Variants in PIAS1 observed in about 807,000 individuals in gnomAD.
PIAS1 encodes protein inhibitor of activated STAT 1.
Under a neutral mutation model 71.3 loss-of-function variants are expected in PIAS1, and 6 were observed. The observed-to-expected ratio is 0.08, with a 90% CI of 0.05 to 0.17. The LOEUF (loss-of-function observed/expected upper bound fraction) is 0.17. Among genes scored for constraint, PIAS1 ranks in the 10% least tolerant of loss-of-function variants. The probability of loss-of-function intolerance (pLI) is 1.00; values close to 1 mark genes in which losing one functional copy is unlikely to be tolerated. For synonymous variants in PIAS1, 303 were observed against 292.9 expected (o/e 1.03, Z -0.35); for missense variants, 555 against 793.6 (o/e 0.70, Z 3.61).
intron 6 of PIAS1, 46 bp downstream of exon 6, chr15:68,146,746 G>A: frequency 7.1e-7 from 1 of 1,408,582 alleles, no homozygotes; most frequent in Non-Finnish European, 1.0e-6. Flanking sequence ...TATAAGGAGG[G>A]GTTAATCACC....
intron 2 of PIAS1, among the ~76,000 whole-genome samples, chr15:68,114,188 C>CTTT (rs1567047651): frequency 6.6e-6 from 1 of 151,852 alleles, no homozygotes; most frequent in Non-Finnish European, 1.5e-5. Context: ...TTTTTGCTGC[C>CTTT]TTTTTCAATC....
In PIAS1 at chr15:68,151,785, G is replaced by A. The variant is rs560560176; in HGVS notation, c.829-1805G>A. Among the ~76,000 whole-genome samples the A allele has an allele frequency of 9.5e-4, 144 of 151,180 alleles. 1 individual carries two copies. The Middle Eastern group carries it at 0.024, about 25-fold the overall frequency. On this transcript the variant is annotated intron_variant, in intron 6 of 13. Transcript: ENST00000249636. The stretch of plus-strand genomic sequence containing the variant: ...TGAGGCAGGAGAATCACTTGAACCC[G>A]GGAGGTGGAGGTTGCAGGGAGCCGA...
In PIAS1 at chr15:68,077,725, AGTT is replaced by A. The variant is rs561245904; in HGVS notation, c.25-8577_25-8575del. Among the ~76,000 whole-genome samples the A allele has an allele frequency of 3.7e-3, 568 of 152,284 alleles. 3 individuals are homozygous for A. The highest frequency in any genetic ancestry group is 0.012 in the African/African-American group (488 of 41,560). ...TTTCATACTATGTGATAGTGTCTGT[AGTT>A]GTTATTACCATGTAGCATTGTGTGG... is the stretch of plus-strand genomic sequence containing the variant. On this transcript the variant is annotated intron_variant, in intron 1 of 13. Transcript: ENST00000249636.
At chr15:68,092,674 A>G (rs1490277460) in intron 2 of PIAS1, among the ~76,000 whole-genome samples, 6 of 152,156 alleles carry the variant, frequency 3.9e-5, no homozygotes, top group African/African-American at 1.4e-4. Flanking sequence ...GGATGAGATT[A>G]ATGCCTCTTA....
chr15:68,128,200 C>G (rs1338633561), intron 2 of PIAS1, among the ~76,000 whole-genome samples: 5 of 152,180 alleles, frequency 3.3e-5, no homozygotes, highest in South Asian at 4.1e-4. Flanking sequence ...GGGACTCACT[C>G]TGCCGCCCAT....
In PIAS1 at chr15:68,176,777, G is replaced by A. The variant is rs1352613215; in HGVS notation, c.1481+123G>A. 7 of 742,148 alleles carry A rather than the reference G, an allele frequency of 9.4e-6. No homozygotes were observed. The East Asian group carries it at 1.7e-4, about 18-fold the overall frequency. 46.0% of individuals were successfully genotyped at this position (742,148 alleles called of 1,614,324 possible). A position where few individuals can be genotyped will look rare whatever the true frequency, so the allele number is the denominator to read the frequency against. The stretch of plus-strand genomic sequence containing the variant: ...AACTTAACTTAGCAATCAAAGAATA[G>A]TTTGAATTTTTCCCAGGTTTGTAAT... On this transcript the variant is annotated intron_variant, in intron 11 of 13. Coordinates refer to ENST00000249636, the MANE Select transcript of PIAS1 (RefSeq NM_016166.3).
intron 1 of PIAS1, among the ~76,000 whole-genome samples, chr15:68,069,911 A>G (rs774516340): frequency 6.6e-6 from 1 of 152,062 alleles, no homozygotes; most frequent in African/African-American, 2.4e-5. Flanking sequence ...TAGAGAGCAG[A>G]TGTTTTAATA....
chr15:68,175,841 TA>T (rs2093017331), intron 10 of PIAS1, 74 bp downstream of exon 10: 1 of 1,062,670 alleles, frequency 9.4e-7, no homozygotes, highest in South Asian at 2.8e-5. Flanking sequence ...AAAATCCATA[TA>T]TTTTTAAAAA....
intron 8 of PIAS1, among the ~76,000 whole-genome samples, chr15:68,168,908 T>C (rs2092973443): frequency 6.6e-6 from 1 of 152,220 alleles, no homozygotes; most frequent in Admixed American, 6.5e-5. Flanking sequence ...CTAAAAGATA[T>C]GAACTGACAG....
intron 2 of PIAS1, among the ~76,000 whole-genome samples, chr15:68,101,285 C>T (rs2092422842): frequency 6.7e-6 from 1 of 149,742 alleles, no homozygotes; most frequent in Admixed American, 6.6e-5. Flanking sequence ...TGAATATCCT[C>T]TTCAGTGAAA....
At chr15:68,172,366 A>G (rs1003617062) in intron 8 of PIAS1, among the ~76,000 whole-genome samples, 3 of 152,240 alleles carry the variant, frequency 2.0e-5, no homozygotes, top group East Asian at 1.9e-4. Context: ...TAGTGCTGCA[A>G]TAAACATACG....
intron 1 of PIAS1, among the ~76,000 whole-genome samples, chr15:68,060,088 ATGTT>A (rs1190456709): frequency 6.6e-6 from 1 of 152,164 alleles, no homozygotes; most frequent in East Asian, 1.9e-4. Context: ...CAGCATCAGA[ATGTT>A]TGATAAAGTA....
chr15:68,071,830 C>T (rs2092100393), intron 1 of PIAS1, among the ~76,000 whole-genome samples: 4 of 151,804 alleles, frequency 2.6e-5, no homozygotes, highest in African/African-American at 9.7e-5. Flanking sequence ...AATCTGTAGT[C>T]CCAGCTACTT....
At position 68,181,119 on chromosome 15, in the gene PIAS1, C is replaced by T. The variant is rs868113730; in HGVS notation, c.1482-93C>T. 116 of 1,018,106 alleles carry T rather than the reference C, an allele frequency of 1.1e-4. 2 individuals are homozygous for T. The Middle Eastern group carries it at 1.2e-3, about 11-fold the overall frequency. 63.1% of individuals were successfully genotyped at this position (1,018,106 alleles called of 1,614,324 possible). ...TTTTGTTCTTATTTCCAGCACTAAA[C>T]CGAGGGTTCATTGTGAGATACAACC... On this transcript the variant is annotated intron_variant, in intron 11 of 13. Coordinates refer to ENST00000249636, the MANE Select transcript of PIAS1 (RefSeq NM_016166.3).
chr15:68,129,162 A>G (rs1476829857), intron 2 of PIAS1, among the ~76,000 whole-genome samples: 1 of 152,148 alleles, frequency 6.6e-6, no homozygotes, highest in East Asian at 1.9e-4. Context: ...ACAGGGCTCA[A>G]GCAGCCCTTC....
rs1168943653 is a variant in PIAS1 at position 68,174,127 on chromosome 15, A to G, written c.1169+235A>G. Among the ~76,000 whole-genome samples, 2 of 152,190 alleles carry G rather than the reference A, an allele frequency of 1.3e-5. No homozygotes were observed. Among genetic ancestry groups the G allele is most frequent in the African/African-American group, 4.8e-5 (2 of 41,442 alleles). ...TGTGTTACTGTCAGTGCCTCCTGGC[A>G]TTTGTCGTTGAAAGCACTGGTGCTT... On this transcript the variant is annotated intron_variant, in intron 9 of 13. Coordinates refer to ENST00000249636, the MANE Select transcript of PIAS1 (RefSeq NM_016166.3). The surrounding 1 kb of genome is among the most constrained non-coding windows in gnomAD (Gnocchi z 4.0).
chr15:68,155,670 G>C (rs915594565), intron 7 of PIAS1, among the ~76,000 whole-genome samples: 2 of 152,062 alleles, frequency 1.3e-5, no homozygotes, highest in Non-Finnish European at 2.9e-5. Context: ...AATAAAGTTG[G>C]TATTATTTAG....
At chr15:68,155,533 G>C (rs1459486380) in intron 7 of PIAS1, among the ~76,000 whole-genome samples, 1 of 148,572 alleles carries the variant, frequency 6.7e-6, no homozygotes, top group Non-Finnish European at 1.5e-5. Context: ...TTGACAAAAG[G>C]AAATGTCAGG....
rs1218224564 is a variant in PIAS1 at position 68,171,289 on chromosome 15, T to C, written c.1009-2443T>C. ...GTTCTCTCTTATGGTAACAGTGCCT[T>C]CTTCTGGAATACCTCCTGAAGGACC... On this transcript the variant is annotated intron_variant, in intron 8 of 13. Coordinates refer to ENST00000249636, the MANE Select transcript of PIAS1 (RefSeq NM_016166.3). The surrounding 1 kb of genome is among the most constrained non-coding windows in gnomAD (Gnocchi z 4.4). 1.3e-5 allele frequency among the ~76,000 whole-genome samples: 2 copies of C among 152,200 alleles called. No homozygotes were observed. Among genetic ancestry groups the C allele is most frequent in the African/African-American group, 2.4e-5 (1 of 41,454 alleles).
Sources: allele counts gnomAD v4.1 joint callset (sites outside exome capture counted in the v4.1 genomes callset), GRCh38; gene constraint gnomAD v4.1.1; non-coding constraint Gnocchi (gnomAD v3.1); transcripts MANE v1.5; gene names NCBI Gene and HGNC (gene_info 2026-07-23, HGNC 2026-07-21).